The following NR1I2 variants were observed in gnomAD, a reference collection of about 807,000 sequenced individuals.
NR1I2 encodes nuclear receptor subfamily 1 group I member 2.
In NR1I2, 42 loss-of-function variants were observed where a neutral mutation model predicts 43.3. That is an observed-to-expected ratio of 0.97 (90% CI 0.76 to 1.26). The LOEUF (loss-of-function observed/expected upper bound fraction) is 1.26, where lower values mean the gene tolerates loss of function less well. NR1I2 is among the 50% of genes most tolerant of loss of function. The probability of loss-of-function intolerance (pLI) is 0.00; values close to 1 mark genes in which losing one functional copy is unlikely to be tolerated. For synonymous variants in NR1I2, 229 were observed against 215.0 expected (o/e 1.06, Z -0.57); for missense variants, 559 against 566.7 (o/e 0.99, Z 0.14).
chr3:119,811,385 CTT>C, intron 3 of NR1I2, 152 bp from the exon 4 acceptor site: 1 of 720,650 alleles, frequency 1.4e-6, no homozygotes, highest in South Asian at 1.9e-5. Context: ...CCACAGGCCT[CTT>C]GAGTCCAGAC....
In NR1I2 at chr3:119,782,870, A is replaced by G. The variant is rs142005522; in HGVS notation, c.-23+570A>G. On this transcript the variant is annotated intron_variant, in intron 1 of 8. Coordinates refer to ENST00000393716, the MANE Select transcript of NR1I2 (RefSeq NM_003889.4). The stretch of plus-strand genomic sequence containing the variant: ...TCAAACCAGTGAGTTTTCTACCTCT[A>G]CTATTGAAAGGGCACCTTGTCCCAC... 8 of 1,601,152 alleles carry G rather than the reference A, an allele frequency of 5.0e-6. No homozygotes were observed. The African/African-American group carries it at 5.3e-5, about 11-fold the overall frequency.
rs906864010 is a variant in NR1I2 at position 119,804,379 on chromosome 3, A to AAT, written c.-22-2840_-22-2839dup. On this transcript the variant is annotated intron_variant, in intron 1 of 8. Transcript: ENST00000393716. ...GACAGAGCGAGACTCCGTCTCAAAA[A>AAT]ATATATATATACATATATATTTACA... is the stretch of plus-strand genomic sequence containing the variant. Among the ~76,000 whole-genome samples the AAT allele has an allele frequency of 6.0e-5, 9 of 150,118 alleles. No homozygotes were observed. In the East Asian group the frequency reaches 1.2e-3, roughly 20 times the overall value.
In NR1I2 at chr3:119,812,743, A is replaced by G; in HGVS notation, c.577A>G (p.Arg193Gly). 6.2e-7 allele frequency: 1 copy of G among 1,614,144 alleles called. No individual in the cohort carries two copies. The highest frequency in any genetic ancestry group is 8.5e-7 in the Non-Finnish European group (1 of 1,180,030). The change falls in exon 5 of 9, where the codon AGG (arginine) becomes GGG (glycine). Residue 193 changes from arginine to glycine, a missense_variant. Arg to Gly is a moderately radical substitution (Grantham distance 125). This residue lies in a region of NR1I2 where 323 missense variants were observed against 312.2 expected (regional missense o/e 1.03). Coordinates refer to ENST00000393716, the MANE Select transcript of NR1I2 (RefSeq NM_003889.4). ...GCCAGAGTCTCTGCAGGCCCCATCG[A>G]GGGAAGAAGCTGCCAAGTGGAGCCA...
Position 119,812,972 on chromosome 3 carries a change from A to C in NR1I2, c.794+12A>C, listed in dbSNP as rs755445764. ...ATCTCCTACTTCAGGTAGGACATGG[A>C]GACTGGGTGGTTGGGTGTGGAAAAG... On this transcript the variant is annotated intron_variant, in intron 5 of 8. Transcript: ENST00000393716. 1 of 1,611,842 alleles carries C rather than the reference A, an allele frequency of 6.2e-7. No individual in the cohort carries two copies. The highest frequency in any genetic ancestry group is 8.5e-7 in the Non-Finnish European group (1 of 1,179,970).
chr3:119,815,360 A>G lies in NR1I2; in HGVS notation c.975A>G (p.Lys325=), dbSNP rs1345263842. 40 of 1,613,842 alleles carry G rather than the reference A, an allele frequency of 2.5e-5. No homozygotes were observed. The highest frequency in any genetic ancestry group is 3.4e-5 in the Non-Finnish European group (40 of 1,180,030). Residue 325 remains lysine (K), a synonymous_variant, in exon 7 of 9, where the codon AAA becomes AAG. Transcript: ENST00000393716. The stretch of plus-strand genomic sequence containing the variant: ...AACTTCTACTGGAGCCCATGCTGAA[A>G]TTCCACTACATGCTGAAGAAGCTGC...
intron 1 of NR1I2, 78 bp downstream of exon 1, chr3:119,782,378 A>G (rs1252504379): frequency 8.8e-6 from 2 of 226,654 alleles, no homozygotes; most frequent in African/African-American, 4.4e-5. Context: ...TGTGAACACA[A>G]ATATACCTTC....
At chr3:119,805,283 T>C (rs1247066036) in intron 1 of NR1I2, among the ~76,000 whole-genome samples, 3 of 152,238 alleles carry the variant, frequency 2.0e-5, no homozygotes, top group Non-Finnish European at 4.4e-5. Flanking sequence ...CTCTTGCTCA[T>C]CATGCTGTGC....
At chr3:119,794,405 G>A (rs2054965966) in intron 1 of NR1I2, among the ~76,000 whole-genome samples, 1 of 151,318 alleles carries the variant, frequency 6.6e-6, no homozygotes, top group Non-Finnish European at 1.5e-5. Context: ...TGTCACCCAG[G>A]CATGTCTCGA....
intron 1 of NR1I2, among the ~76,000 whole-genome samples, chr3:119,800,688 G>A (rs943386270): frequency 7.2e-5 from 11 of 152,120 alleles, no homozygotes; most frequent in Admixed American, 2.0e-4. Context: ...AGGACAAGAT[G>A]CCTCTGGATG....
intron 1 of NR1I2, among the ~76,000 whole-genome samples, chr3:119,783,154 T>G (rs2054800874): frequency 1.3e-5 from 2 of 151,656 alleles, no homozygotes; most frequent in Non-Finnish European, 2.9e-5. Flanking sequence ...AGAGGCTTAT[T>G]TAATCAGTTG....
At chr3:119,794,273 G>T (rs1272139630) in intron 1 of NR1I2, among the ~76,000 whole-genome samples, 1 of 151,932 alleles carries the variant, frequency 6.6e-6, no homozygotes, top group Non-Finnish European at 1.5e-5. Context: ...GCTCACTGCA[G>T]CCTCGACCTC....
chr3:119,811,710 A>AT lies in NR1I2; in HGVS notation c.506dup (p.Lys170GlnfsTer10). ...AAAACCTTTGACACTACCTTCTCCC[A>AT]TTTCAAGAATTTCCGGGTAGGAGGA... On this transcript the variant is annotated frameshift_variant, in exon 4 of 9. Transcript: ENST00000393716. LOFTEE classifies it high-confidence loss of function. The AT allele has an allele frequency of 6.2e-7, 1 of 1,610,154 alleles. No homozygotes were observed. Among genetic ancestry groups the AT allele is most frequent in the Non-Finnish European group, 8.5e-7 (1 of 1,177,990 alleles).
At chr3:119,784,720 T>C (rs1222906569) in intron 1 of NR1I2, among the ~76,000 whole-genome samples, 1 of 152,226 alleles carries the variant, frequency 6.6e-6, no homozygotes, top group Non-Finnish European at 1.5e-5. Context: ...ATTATTTCAA[T>C]ACTATTTATT....
intron 1 of NR1I2, among the ~76,000 whole-genome samples, chr3:119,795,443 C>A (rs1180069055): frequency 6.6e-6 from 1 of 152,174 alleles, no homozygotes; most frequent in African/African-American, 2.4e-5. Flanking sequence ...GGGTGTCTGC[C>A]TTTCCTTGTG....
chr3:119,815,537 C>A, intron 7 of NR1I2, 98 bp downstream of exon 7: 1 of 1,145,338 alleles, frequency 8.7e-7, no homozygotes, highest in Non-Finnish European at 1.3e-6. Flanking sequence ...ATTCACTGCG[C>A]AGCCAGGATG....
At chr3:119,815,567 C>T (rs1349474803) in intron 7 of NR1I2, 128 bp downstream of exon 7, 14 of 1,035,056 alleles carry the variant, frequency 1.4e-5, no homozygotes, top group Admixed American at 1.1e-4. Context: ...GCTGGTTTCT[C>T]CTGGGGTCAG....
intron 1 of NR1I2, among the ~76,000 whole-genome samples, chr3:119,805,841 A>C (rs1013478461): frequency 2.6e-5 from 4 of 152,168 alleles, no homozygotes; most frequent in African/African-American, 4.8e-5. Context: ...GTGAACACCT[A>C]AAGTATACAT....
intron 1 of NR1I2, chr3:119,782,823 C>G: frequency 6.2e-7 from 1 of 1,614,178 alleles, no homozygotes; most frequent in Non-Finnish European, 8.5e-7. Context: ...TACCCCTGCA[C>G]AGTGCTGCGG....
intron 1 of NR1I2, chr3:119,782,960 C>A: frequency 2.2e-6 from 2 of 893,840 alleles, no homozygotes; most frequent in East Asian, 2.6e-5. Context: ...CTTTACAGCC[C>A]AGCTCGGCTG....
Sources: gnomAD v4.1 joint callset for allele counts (sites outside exome capture counted in the v4.1 genomes callset) on GRCh38, gnomAD v4.1.1 for gene constraint, gnomAD v4.1.1 regional missense constraint, MANE v1.5 for transcripts, NCBI Gene and HGNC (gene_info 2026-07-23, HGNC 2026-07-21) for gene names.